Variants in LRRIQ3 observed in about 807,000 individuals in gnomAD.
LRRIQ3 encodes the protein leucine rich repeats and IQ motif containing 3, also known as leucine-rich repeat and IQ domain-containing protein 3.
A neutral mutation model predicts 59.3 loss-of-function variants in LRRIQ3; 75 were observed. That is an observed-to-expected ratio of 1.26 (90% CI 1.05 to 1.53). The LOEUF is 1.53. Among genes scored for constraint, LRRIQ3 ranks in the 40% most tolerant of loss-of-function variants. LRRIQ3 has a pLI of 0.00. For missense variants in LRRIQ3, 831 were observed against 710.0 expected (o/e 1.17, Z -1.94); for synonymous variants, 250 against 231.3 (o/e 1.08, Z -0.73).
chr1:74,169,839 G>C (rs1490856419), intron 3 of LRRIQ3, among the ~76,000 whole-genome samples: 1 of 151,970 alleles, frequency 6.6e-6, no homozygotes, highest in Non-Finnish European at 1.5e-5. Flanking sequence ...CTGCTTTGTT[G>C]TGTTTTAATA....
chr1:74,031,995 A>C (rs1210470081), intron 7 of LRRIQ3, among the ~76,000 whole-genome samples: 1 of 151,980 alleles, frequency 6.6e-6, no homozygotes, highest in Non-Finnish European at 1.5e-5. Context: ...ATCTAAATTA[A>C]TGGGGAGTTA....
chr1:74,082,239 T>C (rs1233220745), intron 5 of LRRIQ3: 2 of 151,520 alleles, frequency 1.3e-5, no homozygotes, highest in African/African-American at 4.8e-5. Flanking sequence ...GAGAAAAACA[T>C]AGTAGAAAGC....
intron 3 of LRRIQ3, among the ~76,000 whole-genome samples, chr1:74,171,587 A>G (rs1649324231): frequency 6.6e-6 from 1 of 152,128 alleles, no homozygotes; most frequent in Non-Finnish European, 1.5e-5. Flanking sequence ...TGTTCATCAC[A>G]GATATTGACC....
chr1:74,132,744 C>A (rs191145122), intron 4 of LRRIQ3, among the ~76,000 whole-genome samples: 167 of 152,146 alleles, frequency 1.1e-3, no homozygotes, highest in African/African-American at 3.8e-3. Flanking sequence ...AATGTTAGAC[C>A]TAAAACCATA....
chr1:74,139,128 A>AT (rs1491084228), intron 4 of LRRIQ3, among the ~76,000 whole-genome samples: 1 of 5,380 alleles, frequency 1.9e-4, no homozygotes, highest in African/African-American at 2.3e-4. Context: ...GTGTGTGTGT[A>AT]TATATATATA....
At chr1:74,128,702 A>T (rs1022959501) in intron 4 of LRRIQ3, among the ~76,000 whole-genome samples, 1 of 151,496 alleles carries the variant, frequency 6.6e-6, no homozygotes, top group Middle Eastern at 3.2e-3. Flanking sequence ...TATTTATTGG[A>T]CTCTTTGCAG....
intron 4 of LRRIQ3, among the ~76,000 whole-genome samples, chr1:74,121,612 T>C (rs1646857254): frequency 1.3e-5 from 2 of 152,212 alleles, no homozygotes; most frequent in South Asian, 4.1e-4. Context: ...CTTTAAGTTT[T>C]AGGGTGCATG....
intron 4 of LRRIQ3, among the ~76,000 whole-genome samples, chr1:74,124,626 C>T (rs1285535940): frequency 6.6e-6 from 1 of 151,936 alleles, no homozygotes; most frequent in Non-Finnish European, 1.5e-5. Context: ...TGTCTTTCTC[C>T]AATGCATGTT....
intron 6 of LRRIQ3, among the ~76,000 whole-genome samples, chr1:74,053,362 A>G (rs1447822252): frequency 6.6e-6 from 1 of 152,146 alleles, no homozygotes; most frequent in Non-Finnish European, 1.5e-5. Context: ...AAGTTCCATG[A>G]AAGAAATAAC....
chr1:74,180,802 T>A, intron 3 of LRRIQ3: 2 of 1,549,242 alleles, frequency 1.3e-6, no homozygotes, highest in Middle Eastern at 1.7e-4. Flanking sequence ...TTTTTCCACA[T>A]CCAAGGAAAC....
At chr1:74,073,976 C>A (rs1219585385) in intron 6 of LRRIQ3, among the ~76,000 whole-genome samples, 1 of 151,996 alleles carries the variant, frequency 6.6e-6, no homozygotes, top group Non-Finnish European at 1.5e-5. Context: ...AGACAATAGG[C>A]ATTTTTATTC....
chr1:74,125,612 A>G (rs1476711900), intron 4 of LRRIQ3, among the ~76,000 whole-genome samples: 1 of 151,788 alleles, frequency 6.6e-6, no homozygotes, highest in Non-Finnish European at 1.5e-5. Flanking sequence ...AAATAATTAT[A>G]TAATTTTTGT....
intron 6 of LRRIQ3, among the ~76,000 whole-genome samples, chr1:74,054,545 T>A (rs1257974004): frequency 6.6e-6 from 1 of 152,030 alleles, no homozygotes; most frequent in Admixed American, 6.6e-5. Context: ...CAGATAATAA[T>A]GTGTTAGTTT....
At chr1:74,180,737 G>A (rs1272019512) in intron 3 of LRRIQ3, 2 of 1,549,942 alleles carry the variant, frequency 1.3e-6, no homozygotes, top group East Asian at 4.9e-5. Flanking sequence ...TCCAATATTG[G>A]GTAAGTTCCT....
intron 5 of LRRIQ3, chr1:74,084,080 C>A: frequency 8.3e-7 from 1 of 1,202,406 alleles, no homozygotes; most frequent in Non-Finnish European, 1.2e-6. Flanking sequence ...AGCTGATATC[C>A]CTAGTGTCCA....
intron 3 of LRRIQ3, among the ~76,000 whole-genome samples, chr1:74,158,497 T>A (rs1486047566): frequency 6.6e-6 from 1 of 152,150 alleles, no homozygotes; most frequent in African/African-American, 2.4e-5. Flanking sequence ...TTTCAATGAT[T>A]TGTCTCACAA....
At chr1:74,049,434 T>C (rs1390763033) in intron 6 of LRRIQ3, among the ~76,000 whole-genome samples, 1 of 152,130 alleles carries the variant, frequency 6.6e-6, no homozygotes, top group Non-Finnish European at 1.5e-5. Context: ...GATTTTATGA[T>C]AGGAAGGGCC....
At chr1:74,100,276 A>G (rs373757048) in intron 5 of LRRIQ3, among the ~76,000 whole-genome samples, 2 of 151,934 alleles carry the variant, frequency 1.3e-5, no homozygotes, top group Non-Finnish European at 2.9e-5. Flanking sequence ...GACAAACAGA[A>G]AGCCAAATCA....
chr1:74,028,693 T>A (rs1339346594), intron 7 of LRRIQ3, among the ~76,000 whole-genome samples: 2 of 151,718 alleles, frequency 1.3e-5, no homozygotes, highest in African/African-American at 4.9e-5. Context: ...GATAGGTTAT[T>A]TAAGTTGTCT....
Sources: gnomAD v4.1 joint callset for allele counts (sites outside exome capture counted in the v4.1 genomes callset) on GRCh38, gnomAD v4.1.1 for gene constraint, MANE v1.5 for transcripts, NCBI Gene and HGNC (gene_info 2026-07-23, HGNC 2026-07-21) for gene names.